The following OR5AS1 variants were observed in gnomAD, a reference collection of about 807,000 sequenced individuals.
The protein encoded by OR5AS1 is olfactory receptor 5AS1.
For synonymous variants in OR5AS1, 196 were observed against 141.7 expected, an observed-to-expected ratio of 1.38 and a Z score of -2.72; for missense variants, 492 against 378.2, an observed-to-expected ratio of 1.30 and a Z score of -2.50.
rs953695208 is a variant in OR5AS1, at chr11:56,030,328, G to A, written c.-28-63G>A. 39 of 690,368 alleles carry A rather than the reference G, an allele frequency of 5.6e-5. No individual in the cohort carries two copies. In the African/African-American group the frequency reaches 6.6e-4, roughly 12 times the overall value. 42.8% of individuals were successfully genotyped at this position (690,368 alleles called of 1,614,324 possible). A position where few individuals can be genotyped will look rare whatever the true frequency, so the allele number is the denominator to read the frequency against. Reference sequence around the variant, plus strand: ...CTTCTATTTGATTCCTTAGAAGAGAGAATAAAGATACTTTTGGTTCATCCA... The same window carrying A: ...CTTCTATTTGATTCCTTAGAAGAGAAAATAAAGATACTTTTGGTTCATCCA... On this transcript the variant is annotated intron_variant, in intron 1 of 1. Transcript: ENST00000641320.
Position 56,035,330 on chromosome 11 carries a change from A to G in OR5AS1, c.*3937A>G, listed in dbSNP as rs1057020646. 3 of 152,198 alleles carry G rather than the reference A, an allele frequency of 2.0e-5. No homozygotes were observed. Among genetic ancestry groups the G allele is most frequent in the African/African-American group, 7.2e-5 (3 of 41,428 alleles). 9.4% of individuals were successfully genotyped at this position (152,198 alleles called of 1,614,324 possible). ...TAAAAGCCACAGACTGGCAAATTGGATAGAGTCAAGACCGATTGGTGTGCT... is the reference window on the plus strand; with the variant it reads ...TAAAAGCCACAGACTGGCAAATTGGGTAGAGTCAAGACCGATTGGTGTGCT... On this transcript the variant is annotated 3_prime_UTR_variant, in exon 2 of 2. Transcript: ENST00000641320.
rs528150642 is a variant in OR5AS1, at chr11:56,031,388, A to G, written c.970A>G (p.Ile324Val). The change falls in exon 2 of 2, where the codon ATC becomes GTC. Residue 324 changes from isoleucine to valine, a missense_variant. Transcript: ENST00000641320. ...TTTAAATCGTTTAAGAATAGTCAATATCTAACTTACCCTTCCAATCTCATA... is the reference window on the plus strand; with the variant it reads ...TTTAAATCGTTTAAGAATAGTCAATGTCTAACTTACCCTTCCAATCTCATA... ...WYLNRLRIVN[I>V] The G allele has an allele frequency of 8.0e-6, 12 of 1,506,722 alleles. No homozygotes were observed. The East Asian group carries it at 2.0e-4, about 26-fold the overall frequency. The allele number at this position is 1,506,722 out of a possible 1,614,324, so 93.3% of individuals were successfully genotyped here. A position where few individuals can be genotyped will look rare whatever the true frequency, so the allele number is the denominator to read the frequency against.
rs1853395980 is a variant in OR5AS1, at chr11:56,035,564, G to C, written c.*4171G>C. 1 of 151,952 alleles carries C rather than the reference G, an allele frequency of 6.6e-6. No individual in the cohort carries two copies. The highest frequency in any genetic ancestry group is 1.5e-5 in the Non-Finnish European group (1 of 67,990). 9.4% of individuals were successfully genotyped at this position (151,952 alleles called of 1,614,324 possible). On this transcript the variant is annotated 3_prime_UTR_variant, in exon 2 of 2. Transcript: ENST00000641320. ...AAGAAGGCAATACATAATGGTAAAAGGATCAATGCAACAAGAAGAGCTAAC... is the reference window on the plus strand; with the variant it reads ...AAGAAGGCAATACATAATGGTAAAACGATCAATGCAACAAGAAGAGCTAAC...
rs1853390694 is a variant in OR5AS1, at chr11:56,035,087, C to T, written c.*3694C>T. On this transcript the variant is annotated 3_prime_UTR_variant, in exon 2 of 2. Coordinates refer to ENST00000641320, the MANE Select transcript of OR5AS1 (RefSeq NM_001001921.2). ...CAAATGCTGAGAGATTTTGTCACCA[C>T]CAGGCCTGCTTTACAAGAGCTCCTG... 6.6e-6 allele frequency: 1 copy of T among 152,068 alleles called. No homozygotes were observed. The highest frequency in any genetic ancestry group is 2.1e-4 in the South Asian group (1 of 4,826). The allele number at this position is 152,068 out of a possible 1,614,324, so 9.4% of individuals were successfully genotyped here.
chr11:56,032,245 C>G lies in OR5AS1; in HGVS notation c.*852C>G, dbSNP rs1565026950. 6.6e-6 allele frequency: 1 copy of G among 152,032 alleles called. No homozygotes were observed. Among genetic ancestry groups the G allele is most frequent in the Non-Finnish European group, 1.5e-5 (1 of 68,024 alleles). The allele number at this position is 152,032 out of a possible 1,614,324, so 9.4% of individuals were successfully genotyped here. On this transcript the variant is annotated 3_prime_UTR_variant, in exon 2 of 2. Coordinates refer to ENST00000641320, the MANE Select transcript of OR5AS1 (RefSeq NM_001001921.2). ...TTGTGAATACTATCAAGATTATAAACTGTAGAATTTCCTAATTATTTATAT... is the reference window on the plus strand; with the variant it reads ...TTGTGAATACTATCAAGATTATAAAGTGTAGAATTTCCTAATTATTTATAT...
Position 56,035,170 on chromosome 11 carries a change from A to G in OR5AS1, c.*3777A>G, listed in dbSNP as rs992491664. 2.6e-5 allele frequency: 4 copies of G among 152,210 alleles called. No homozygotes were observed. The highest frequency in any genetic ancestry group is 5.9e-5 in the Non-Finnish European group (4 of 68,052). The allele number at this position is 152,210 out of a possible 1,614,324, so 9.4% of individuals were successfully genotyped here. A position where few individuals can be genotyped will look rare whatever the true frequency, so the allele number is the denominator to read the frequency against. Reference sequence around the variant, plus strand: ...GTAACAGCCACTGCAAAAAAAACAAATTTTAAAGAACATTGACACTACGAA... The same window carrying G: ...GTAACAGCCACTGCAAAAAAAACAAGTTTTAAAGAACATTGACACTACGAA... On this transcript the variant is annotated 3_prime_UTR_variant, in exon 2 of 2. Coordinates refer to ENST00000641320, the MANE Select transcript of OR5AS1 (RefSeq NM_001001921.2).
At chr11:56,029,899 A>T (rs1238086246) in intron 1 of OR5AS1, among the ~76,000 whole-genome samples, 2 of 152,098 alleles carry the variant, frequency 1.3e-5, no homozygotes, top group African/African-American at 4.8e-5. Context: ...CCATGCTCTT[A>T]ACTACCACGT....
rs766898388 is a variant in OR5AS1 at position 56,031,038 on chromosome 11, A to G, written c.620A>G (p.Gln207Arg). Residue 207 changes from glutamine to arginine, a missense_variant, in exon 2 of 2, where the codon CAG becomes CGG. Gln to Arg is a conservative substitution (Grantham distance 43). Transcript: ENST00000641320. ...LLLFALCSFI[Q>R]TSTFVVIFIS... ...CTCTTTGCTTTGTGCAGCTTCATCC[A>G]GACCAGCACTTTTGTGGTAATATTT... is the stretch of plus-strand genomic sequence containing the variant. 3.7e-5 allele frequency: 60 copies of G among 1,614,054 alleles called. No homozygotes were observed. The highest frequency in any genetic ancestry group is 4.7e-5 in the Non-Finnish European group (56 of 1,180,028).
Position 56,030,896 on chromosome 11 carries a change from G to T in OR5AS1, c.478G>T (p.Val160Leu). 3 of 1,614,104 alleles carry T rather than the reference G, an allele frequency of 1.9e-6. No individual in the cohort carries two copies. The change falls in exon 2 of 2, where the codon GTG (valine) becomes TTG (leucine). Residue 160 changes from valine to leucine, a missense_variant. Transcript: ENST00000641320. ...FSGSTTSLVH[V>L]CLTFRLSFCG... ...TGGAAGTACAACATCACTGGTCCAT[G>T]TGTGCCTCACATTCAGGCTGTCATT...
Position 56,030,481 on chromosome 11 carries a change from A to G in OR5AS1, c.63A>G (p.Leu21=), listed in dbSNP as rs1383558670. 6.6e-6 allele frequency: 10 copies of G among 1,505,710 alleles called. No homozygotes were observed. Among genetic ancestry groups the G allele is most frequent in the African/African-American group, 2.8e-5 (2 of 71,468 alleles). The allele number at this position is 1,505,710 out of a possible 1,614,324, so 93.3% of individuals were successfully genotyped here. Residue 21 remains leucine (L), a synonymous_variant, in exon 2 of 2, where the codon CTA becomes CTG. Transcript: ENST00000641320. ...TATTTGTTGGATTCACAGATTATCT[A>G]CCTCTCAGAGTCACACTGTTCTTGG... is the stretch of plus-strand genomic sequence containing the variant. The part of the protein sequence containing the change: ...EFLFVGFTDY[L]PLRVTLFLVF...
rs1261949195 is a variant in OR5AS1, at chr11:56,030,878, A to G, written c.460A>G (p.Thr154Ala). The G allele has an allele frequency of 1.2e-6, 2 of 1,614,068 alleles. No homozygotes were observed. The highest frequency in any genetic ancestry group is 8.5e-7 in the Non-Finnish European group (1 of 1,179,952). ...TGTGTTGGCATATTTCAGTGGAAGT[A>G]CAACATCACTGGTCCATGTGTGCCT... is the stretch of plus-strand genomic sequence containing the variant. ...FIVLAYFSGS[T>A]TSLVHVCLTF... is the part of the protein sequence containing the mutation. Residue 154 changes from threonine to alanine, a missense_variant, in exon 2 of 2, where the codon ACA becomes GCA. By Grantham distance (58) the Thr-to-Ala change is moderately conservative. Transcript: ENST00000641320.
At position 56,030,454 on chromosome 11, in the gene OR5AS1, C is replaced by T. The variant is rs150384556; in HGVS notation, c.36C>T (p.Phe12=). Residue 12 remains phenylalanine (F), a synonymous_variant, in exon 2 of 2, where the codon TTC becomes TTT. Coordinates refer to ENST00000641320, the MANE Select transcript of OR5AS1 (RefSeq NM_001001921.2). ...GTAATTACACCATGCCAACTGAGTT[C>T]CTATTTGTTGGATTCACAGATTATC... The part of the protein sequence containing the change: ...LESNYTMPTE[F]LFVGFTDYLP... 2 of 1,492,026 alleles carry T rather than the reference C, an allele frequency of 1.3e-6. No homozygotes were observed. Among genetic ancestry groups the T allele is most frequent in the Non-Finnish European group, 1.8e-6 (2 of 1,120,164 alleles). The allele number at this position is 1,492,026 out of a possible 1,614,324, so 92.4% of individuals were successfully genotyped here.
rs1590708373 is a variant in OR5AS1, at chr11:56,035,768, G to C, written c.*4375G>C. 1 of 152,068 alleles carries C rather than the reference G, an allele frequency of 6.6e-6. No homozygotes were observed. The highest frequency in any genetic ancestry group is 1.9e-4 in the East Asian group (1 of 5,186). 9.4% of individuals were successfully genotyped at this position (152,068 alleles called of 1,614,324 possible). On this transcript the variant is annotated 3_prime_UTR_variant, in exon 2 of 2. Coordinates refer to ENST00000641320, the MANE Select transcript of OR5AS1 (RefSeq NM_001001921.2). ...CAAGGATATTCAGGACTTGAACTCAGCTCTGGACCAAGCAGACCTAATAGA... is the reference window on the plus strand; with the variant it reads ...CAAGGATATTCAGGACTTGAACTCACCTCTGGACCAAGCAGACCTAATAGA...
chr11:56,030,580 C>T lies in OR5AS1; in HGVS notation c.162C>T (p.Ser54=), dbSNP rs904317106. 6.5e-7 allele frequency: 1 copy of T among 1,543,448 alleles called. No individual in the cohort carries two copies. The highest frequency in any genetic ancestry group is 1.4e-5 in the African/African-American group (1 of 72,118). Residue 54 remains serine, a synonymous_variant, in exon 2 of 2, where the codon AGC becomes AGT. Transcript: ENST00000641320. ...LLIILVNINS[S]LQIPMYYFLS... ...TAATTCTAGTTAATATTAATTCAAG[C>T]CTTCAAATTCCCATGTATTATTTTC...
chr11:56,030,523 T>C lies in OR5AS1; in HGVS notation c.105T>C (p.Tyr35=). ...TGTTCTTGGTATTCCTTCTGGTATA[T>C]ACATTAACTATGGTCGGAAATATAC... ...VTLFLVFLLV[Y]TLTMVGNILL... The change falls in exon 2 of 2, where the codon TAT becomes TAC. Residue 35 remains tyrosine, a synonymous_variant. Coordinates refer to ENST00000641320, the MANE Select transcript of OR5AS1 (RefSeq NM_001001921.2). 2 of 1,553,318 alleles carry C rather than the reference T, an allele frequency of 1.3e-6. No individual in the cohort carries two copies. The highest frequency in any genetic ancestry group is 1.7e-6 in the Non-Finnish European group (2 of 1,146,260).
intron 1 of OR5AS1, among the ~76,000 whole-genome samples, chr11:56,029,957 T>G (rs1452964471): frequency 6.6e-6 from 1 of 152,102 alleles, no homozygotes; most frequent in Non-Finnish European, 1.5e-5. Flanking sequence ...GATTACACAG[T>G]TTTAAATATG....
Position 56,031,249 on chromosome 11 carries a change from T to A in OR5AS1, c.831T>A (p.Phe277Leu). The A allele has an allele frequency of 6.2e-7, 1 of 1,613,926 alleles. No homozygotes were observed. Among genetic ancestry groups the A allele is most frequent in the African/African-American group, 1.3e-5 (1 of 74,992 alleles). ...SLDTDKVVAV[F>L]YTVVFPMFNP... is the part of the protein sequence containing the mutation. Reference sequence around the variant, plus strand: ...ACACTGATAAGGTGGTGGCAGTGTTTTATACTGTTGTATTTCCCATGTTTA... The same window carrying A: ...ACACTGATAAGGTGGTGGCAGTGTTATATACTGTTGTATTTCCCATGTTTA... The change falls in exon 2 of 2, where the codon TTT becomes TTA. Residue 277 changes from phenylalanine to leucine, a missense_variant. Transcript: ENST00000641320.
Position 56,031,204 on chromosome 11 carries a change from C to T in OR5AS1, c.786C>T (p.Pro262=). 3.1e-6 allele frequency: 5 copies of T among 1,613,658 alleles called. No individual in the cohort carries two copies. Among genetic ancestry groups the T allele is most frequent in the Non-Finnish European group, 4.2e-6 (5 of 1,179,708 alleles). Residue 262 remains proline, a synonymous_variant, in exon 2 of 2, where the codon CCC becomes CCT. Transcript: ENST00000641320. ...CGCTCCTGTTTATGTACTTACAGCC[C>T]ACCACTAGCTATTCCCTAGACACTG... The part of the protein sequence containing the change: ...YGALLFMYLQ[P]TTSYSLDTDK...
rs548239989 is a variant in OR5AS1, at chr11:56,033,794, C to A, written c.*2401C>A. ...AGCTCTCCTAAGAGATAGACTCCTG[C>A]ATCAAGTGGGTCCTTGACCCCGTGA... On this transcript the variant is annotated 3_prime_UTR_variant, in exon 2 of 2. Coordinates refer to ENST00000641320, the MANE Select transcript of OR5AS1 (RefSeq NM_001001921.2). 46 of 151,810 alleles carry A rather than the reference C, an allele frequency of 3.0e-4. No individual in the cohort carries two copies. Among genetic ancestry groups the A allele is most frequent in the African/African-American group, 1.0e-3 (42 of 41,440 alleles). 9.4% of individuals were successfully genotyped at this position (151,810 alleles called of 1,614,324 possible).
Sources: gnomAD v4.1 joint callset for allele counts (sites outside exome capture counted in the v4.1 genomes callset) on GRCh38, gnomAD v4.1.1 for gene constraint, MANE v1.5 for transcripts, NCBI Gene and HGNC (gene_info 2026-07-23, HGNC 2026-07-21) for gene names.